Variants in XKR9 observed in about 807,000 individuals in gnomAD.
XKR9 encodes XK-related protein 9.
In XKR9, 32 loss-of-function variants were observed where a neutral mutation model predicts 32.0. The observed-to-expected ratio is 1.00, with a 90% CI of 0.76 to 1.34. The LOEUF (loss-of-function observed/expected upper bound fraction) is 1.34, where lower values mean the gene tolerates loss of function less well. Ranked by LOEUF, XKR9 falls within the 40% of genes most tolerant of loss-of-function variation. The probability of loss-of-function intolerance (pLI) is 0.00; values close to 1 mark genes in which losing one functional copy is unlikely to be tolerated. For missense variants in XKR9, 546 were observed against 429.7 expected (o/e 1.27, Z -2.39); for synonymous variants, 168 against 143.4 (o/e 1.17, Z -1.22).
At chr8:70,799,052 A>C in the XKR9 span, among the ~76,000 whole-genome samples, 1 of 152,070 alleles carries the variant, frequency 6.6e-6, no homozygotes, top group Non-Finnish European at 1.5e-5. Context: ...GGTCTCATAT[A>C]AATTTTAAAA....
At chr8:70,919,073 G>C in the XKR9 span, among the ~76,000 whole-genome samples, 1 of 152,070 alleles carries the variant, frequency 6.6e-6, no homozygotes, top group East Asian at 1.9e-4. Context: ...CACTGCGCCC[G>C]GCCGATCATG....
chr8:70,789,854 T>C (rs1807740700), intron 3 of XKR9, among the ~76,000 whole-genome samples: 1 of 152,048 alleles, frequency 6.6e-6, no homozygotes, highest in African/African-American at 2.4e-5. Flanking sequence ...TAGTCCAGCA[T>C]CTCTTGTTTG....
the XKR9 span, among the ~76,000 whole-genome samples, chr8:71,014,673 G>A: frequency 1.3e-5 from 2 of 152,100 alleles, no homozygotes; most frequent in Non-Finnish European, 2.9e-5. Flanking sequence ...GGTCCCAGGG[G>A]TTAGGAAGTG....
chr8:70,812,401 T>G, the XKR9 span, among the ~76,000 whole-genome samples: 3 of 152,198 alleles, frequency 2.0e-5, no homozygotes, highest in Non-Finnish European at 4.4e-5. Flanking sequence ...ATGCCCTCTC[T>G]CACCACTCCT....
intron 4 of XKR9, among the ~76,000 whole-genome samples, chr8:70,720,275 T>C (rs1335244922): frequency 6.6e-6 from 1 of 152,144 alleles, no homozygotes; most frequent in Non-Finnish European, 1.5e-5. Flanking sequence ...GTCTTCCCAT[T>C]TGAATACCCT....
chr8:70,793,520 C>T (rs1807791622), downstream of XKR9, among the ~76,000 whole-genome samples: 1 of 152,090 alleles, frequency 6.6e-6, no homozygotes, highest in African/African-American at 2.4e-5. Context: ...ATACCTTCAG[C>T]AGATGTGGTC....
chr8:71,022,313 T>C, the XKR9 span, among the ~76,000 whole-genome samples: 2 of 152,236 alleles, frequency 1.3e-5, no homozygotes, highest in African/African-American at 4.8e-5. Flanking sequence ...AGGGCCAGTC[T>C]AGTGGCAATG....
chr8:71,013,278 C>T, the XKR9 span, among the ~76,000 whole-genome samples: 3 of 152,134 alleles, frequency 2.0e-5, no homozygotes, highest in South Asian at 6.2e-4. Context: ...TGCAGAGCCA[C>T]AATCCCAGCA....
chr8:70,998,979 C>T, the XKR9 span, among the ~76,000 whole-genome samples: 13 of 152,082 alleles, frequency 8.5e-5, no homozygotes, highest in African/African-American at 1.7e-4. Context: ...TTCAACCAAC[C>T]GCAGATGAAA....
At chr8:71,034,676 G>T in the XKR9 span, among the ~76,000 whole-genome samples, 1 of 151,964 alleles carries the variant, frequency 6.6e-6, no homozygotes, top group African/African-American at 2.4e-5. Context: ...TGTGAGTGGA[G>T]GAGCCTCTAA....
intron 3 of XKR9, among the ~76,000 whole-genome samples, chr8:70,687,330 C>A (rs1301526836): frequency 6.8e-6 from 1 of 148,070 alleles, no homozygotes; most frequent in Non-Finnish European, 1.5e-5. Context: ...TTCTTTCTTT[C>A]TTTCTTTCTT....
At chr8:71,046,860 A>T in the XKR9 span, among the ~76,000 whole-genome samples, 3 of 152,220 alleles carry the variant, frequency 2.0e-5, no homozygotes, top group Admixed American at 2.0e-4. Context: ...AACTTGGTGT[A>T]TGTTCAAGTT....
At chr8:70,708,314 G>GATAC (rs1336727896) in intron 4 of XKR9, among the ~76,000 whole-genome samples, 2 of 151,968 alleles carry the variant, frequency 1.3e-5, no homozygotes, top group Admixed American at 1.3e-4. Context: ...AATTCCAAGG[G>GATAC]ATACATAGCA....
chr8:70,934,685 C>A, the XKR9 span, among the ~76,000 whole-genome samples: 1 of 151,792 alleles, frequency 6.6e-6, no homozygotes, highest in South Asian at 2.1e-4. Flanking sequence ...GCATGTGTCC[C>A]CTCAGCAAAT....
At chr8:70,969,683 G>C in the XKR9 span, among the ~76,000 whole-genome samples, 160 of 152,286 alleles carry the variant, frequency 1.1e-3, no homozygotes, top group Non-Finnish European at 1.8e-3. Flanking sequence ...TATTTGGCAT[G>C]AAGTGTTTTA....
chr8:70,873,181 G>T, the XKR9 span, among the ~76,000 whole-genome samples: 7 of 152,122 alleles, frequency 4.6e-5, no homozygotes, highest in Non-Finnish European at 1.0e-4. Context: ...ACTTCTCATT[G>T]ACAATGCACC....
chr8:70,843,167 A>G, the XKR9 span, among the ~76,000 whole-genome samples: 28 of 152,330 alleles, frequency 1.8e-4, no homozygotes, highest in Non-Finnish European at 3.7e-4. Context: ...AAATAATAAA[A>G]TGATTGCATG....
chr8:70,913,613 T>A, the XKR9 span, among the ~76,000 whole-genome samples: 1 of 152,172 alleles, frequency 6.6e-6, no homozygotes. Context: ...AATGCATTTG[T>A]ATTGAGTTCA....
chr8:71,057,787 A>ATATAATTT, the XKR9 span, among the ~76,000 whole-genome samples: 48,717 of 151,582 alleles, frequency 0.32, 9,010 homozygotes, highest in Non-Finnish European at 0.43. Context: ...TGCCCTTTAA[A>ATATAATTT]TATAATTTAG....
Sources: gnomAD v4.1 joint callset for allele counts (sites outside exome capture counted in the v4.1 genomes callset) on GRCh38, gnomAD v4.1.1 for gene constraint, MANE v1.5 for transcripts, NCBI Gene and HGNC (gene_info 2026-07-23, HGNC 2026-07-21) for gene names.